HIPK2: variants seen among roughly 807,000 people sequenced by gnomAD.
The protein encoded by HIPK2 is homeodomain-interacting protein kinase 2.
Under a neutral mutation model 113.7 loss-of-function variants are expected in HIPK2, and 27 were observed. That is an observed-to-expected ratio of 0.24 (90% CI 0.17 to 0.33). HIPK2 has a LOEUF of 0.33. HIPK2 is among the 10% of genes least tolerant of loss of function. The pLI is 1.00. For synonymous variants in HIPK2, 631 were observed against 642.2 expected, an observed-to-expected ratio of 0.98 and a Z score of 0.26; for missense variants, 1,257 against 1,588.0, an observed-to-expected ratio of 0.79 and a Z score of 3.54.
At chr7:139,695,100 C>G (rs928259351) in intron 2 of HIPK2, among the ~76,000 whole-genome samples, 476 of 152,346 alleles carry the variant, frequency 3.1e-3, no homozygotes, top group African/African-American at 0.011. Flanking sequence ...AAACAAAACG[C>G]CTGTCTGTAG....
chr7:139,696,154 A>C (rs1794560979), intron 2 of HIPK2, among the ~76,000 whole-genome samples: 1 of 152,196 alleles, frequency 6.6e-6, no homozygotes, highest in Non-Finnish European at 1.5e-5. Context: ...GATTTTGTTG[A>C]TAGTAGGGTG....
At chr7:139,726,167 G>A (rs1290292551) in intron 1 of HIPK2, among the ~76,000 whole-genome samples, 1 of 152,184 alleles carries the variant, frequency 6.6e-6, no homozygotes, top group Non-Finnish European at 1.5e-5. Context: ...ATTTAAAGAG[G>A]TAACCACTGC....
chr7:139,667,132 C>T (rs76889953), intron 2 of HIPK2, among the ~76,000 whole-genome samples: 184 of 151,948 alleles, frequency 1.2e-3, no homozygotes, highest in African/African-American at 4.2e-3. Context: ...CATTTAACTC[C>T]TTAAATACAT....
chr7:139,654,491 C>T (rs576365880), intron 2 of HIPK2, among the ~76,000 whole-genome samples: 1 of 152,100 alleles, frequency 6.6e-6, no homozygotes, highest in Non-Finnish European at 1.5e-5. Context: ...CCACCCTGGA[C>T]GACAGAGCAA....
intron 1 of HIPK2, among the ~76,000 whole-genome samples, chr7:139,718,915 G>A (rs149084810): frequency 3.9e-5 from 6 of 152,154 alleles, no homozygotes; most frequent in African/African-American, 9.6e-5. Context: ...CCCCCAACTC[G>A]TTAATGCACT....
At chr7:139,704,601 T>C (rs377008921) in intron 2 of HIPK2, among the ~76,000 whole-genome samples, 1 of 148,320 alleles carries the variant, frequency 6.7e-6, no homozygotes, top group Non-Finnish European at 1.5e-5. Flanking sequence ...ATGCCTACCA[T>C]ACATAAACAC....
chr7:139,631,802 A>C lies in HIPK2; in HGVS notation c.1104-77T>G. On this transcript the variant is annotated intron_variant, in intron 2 of 14. Coordinates refer to ENST00000406875, the MANE Select transcript of HIPK2 (RefSeq NM_022740.5). This position sits in a 1 kb window ranked among gnomAD's most constrained non-coding sequence, Gnocchi z 4.9. ...TGTTTCTATATGAATACTATCTTTCAAACCTGGGGTGCCATTACTGACTCC... is the reference window on the plus strand; with the variant it reads ...TGTTTCTATATGAATACTATCTTTCCAACCTGGGGTGCCATTACTGACTCC... The C allele has an allele frequency of 4.0e-6, 6 of 1,494,948 alleles. No homozygotes were observed. Among genetic ancestry groups the C allele is most frequent in the Non-Finnish European group, 5.4e-6 (6 of 1,117,836 alleles). The allele number at this position is 1,494,948 out of a possible 1,614,324, so 92.6% of individuals were successfully genotyped here.
chr7:139,590,796 GA>G (rs1031090707), intron 12 of HIPK2, among the ~76,000 whole-genome samples: 11 of 151,140 alleles, frequency 7.3e-5, no homozygotes, highest in African/African-American at 2.2e-4. Context: ...AGTCATTAGA[GA>G]GAAAAAAAAA....
chr7:139,654,434 G>A (rs988674576), intron 2 of HIPK2, among the ~76,000 whole-genome samples: 11 of 152,116 alleles, frequency 7.2e-5, no homozygotes, highest in African/African-American at 9.7e-5. Context: ...TACTGCTTGA[G>A]TCTGAGAGGT....
At chr7:139,626,956 C>G (rs1800454275) in intron 5 of HIPK2, 171 bp from the exon 6 acceptor site, 1 of 226,732 alleles carries the variant, frequency 4.4e-6, no homozygotes, top group Non-Finnish European at 7.3e-6. Context: ...TCATTGCCCA[C>G]AGGATGTGGC....
At chr7:139,667,735 T>C (rs1293685492) in intron 2 of HIPK2, among the ~76,000 whole-genome samples, 1 of 152,216 alleles carries the variant, frequency 6.6e-6, no homozygotes, top group African/African-American at 2.4e-5. Flanking sequence ...ATTGGTTAAT[T>C]TCCTTTATAC....
At chr7:139,625,138 C>T (rs1800382327) in intron 6 of HIPK2, among the ~76,000 whole-genome samples, 1 of 152,176 alleles carries the variant, frequency 6.6e-6, no homozygotes, top group Non-Finnish European at 1.5e-5. Context: ...TGACACTGGC[C>T]CATCCCTGTG....
rs969808381 is a variant in HIPK2, at chr7:139,605,483, T to G, written c.2113-1260A>C. Among the ~76,000 whole-genome samples the G allele has an allele frequency of 5.3e-5, 8 of 152,194 alleles. No homozygotes were observed. The South Asian group carries it at 6.2e-4, about 12-fold the overall frequency. On this transcript the variant is annotated intron_variant, in intron 9 of 14. Coordinates refer to ENST00000406875, the MANE Select transcript of HIPK2 (RefSeq NM_022740.5). ...GACTAACATTGGGTAATTTATCGAA[T>G]GCAGTGCTTCACAAACTGTGCATGT...
At chr7:139,573,464 G>T in intron 14 of HIPK2, 67 bp from the exon 15 acceptor site, 1 of 1,396,034 alleles carries the variant, frequency 7.2e-7, no homozygotes, top group Non-Finnish European at 9.9e-7. Flanking sequence ...ATGGGAGGAG[G>T]GGCAGGAGGG....
intron 2 of HIPK2, among the ~76,000 whole-genome samples, chr7:139,711,764 A>G (rs973262919): frequency 6.6e-6 from 1 of 152,206 alleles, no homozygotes; most frequent in Non-Finnish European, 1.5e-5. Flanking sequence ...CAAAAAAACT[A>G]AAAACAAACA....
At chr7:139,619,680 G>A (rs1247299830) in intron 7 of HIPK2, among the ~76,000 whole-genome samples, 1 of 152,194 alleles carries the variant, frequency 6.6e-6, no homozygotes, top group African/African-American at 2.4e-5. Flanking sequence ...ACGAGGGGAA[G>A]GGCCTGAACT....
rs536833195 is a variant in HIPK2 at position 139,583,248 on chromosome 7, G to A, written c.2965+569C>T. ...GGTTACGTTCTCAGCCTTTATTCCAGGGCCCAATTTTCAAGACAAGCCTTC... is the reference window on the plus strand; with the variant it reads ...GGTTACGTTCTCAGCCTTTATTCCAAGGCCCAATTTTCAAGACAAGCCTTC... On this transcript the variant is annotated intron_variant, in intron 13 of 14. Coordinates refer to ENST00000406875, the MANE Select transcript of HIPK2 (RefSeq NM_022740.5). 2.5e-3 allele frequency among the ~76,000 whole-genome samples: 384 copies of A among 152,338 alleles called. 2 individuals carry two copies. The highest frequency in any genetic ancestry group is 8.9e-3 in the African/African-American group (371 of 41,564).
rs145346095 is a variant in HIPK2, at chr7:139,637,372, C to T, written c.1104-5647G>A. Among the ~76,000 whole-genome samples, 1,265 of 152,368 alleles carry T rather than the reference C, an allele frequency of 8.3e-3. 19 individuals are homozygous for T. Among genetic ancestry groups the T allele is most frequent in the African/African-American group, 0.029 (1,189 of 41,576 alleles). On this transcript the variant is annotated intron_variant, in intron 2 of 14. Transcript: ENST00000406875. Reference sequence around the variant, plus strand: ...CCCACCTCTCCACCATCACTGCCAACCACTCTCCTAGCTTAATACGTTGCA... The same window carrying T: ...CCCACCTCTCCACCATCACTGCCAATCACTCTCCTAGCTTAATACGTTGCA...
At chr7:139,638,656 CTTTT>C (rs1184555180) in intron 2 of HIPK2, among the ~76,000 whole-genome samples, 3 of 130,250 alleles carry the variant, frequency 2.3e-5, no homozygotes, top group Admixed American at 1.6e-4. Context: ...AAATAATTGT[CTTTT>C]TTTTTTTTTT....
Sources: gnomAD v4.1 joint callset for allele counts (sites outside exome capture counted in the v4.1 genomes callset) on GRCh38, gnomAD v4.1.1 for gene constraint, Gnocchi (gnomAD v3.1) non-coding constraint, MANE v1.5 for transcripts, NCBI Gene and HGNC (gene_info 2026-07-23, HGNC 2026-07-21) for gene names.